Variants in PCDHGA6 observed in about 807,000 individuals in gnomAD.
PCDHGA6 encodes protocadherin gamma subfamily A, 6.
PCDHGA6 carries 41 observed loss-of-function variants against 60.6 expected under a neutral mutation model. The observed-to-expected ratio is 0.68, with a 90% CI of 0.53 to 0.88. The LOEUF (loss-of-function observed/expected upper bound fraction) is 0.88. Among genes scored for constraint, PCDHGA6 ranks in the 40% least tolerant of loss-of-function variants. The pLI is 0.00. For synonymous variants in PCDHGA6, 594 were observed against 524.4 expected (o/e 1.13, Z -1.81); for missense variants, 1,312 against 1,203.0 (o/e 1.09, Z -1.34).
Position 141,486,059 on chromosome 5 carries a change from C to A in PCDHGA6, c.2425-8748C>A. On this transcript the variant is annotated intron_variant, in intron 1 of 3. Transcript: ENST00000517434. This position sits in a 1 kb window ranked among gnomAD's most constrained non-coding sequence, Gnocchi z 5.0. ...TCGTGTAAGAAACCTCTTTAGCCTG[C>A]ACCCCACTACTGGAAAGCTTACTCT... 1 of 1,614,152 alleles carries A rather than the reference C, an allele frequency of 6.2e-7. No homozygotes were observed. Among genetic ancestry groups the A allele is most frequent in the Non-Finnish European group, 8.5e-7 (1 of 1,180,010 alleles).
intron 3 of PCDHGA6, among the ~76,000 whole-genome samples, chr5:141,509,532 A>C (rs2099877210): frequency 6.6e-6 from 1 of 152,124 alleles, no homozygotes; most frequent in African/African-American, 2.4e-5. Flanking sequence ...GCACAGGATG[A>C]AGCACCATCT....
chr5:141,403,729 C>G (rs1409756180), intron 1 of PCDHGA6: 1 of 1,613,896 alleles, frequency 6.2e-7, no homozygotes, highest in Non-Finnish European at 8.5e-7. Context: ...CCCCAGGCAC[C>G]TGGCTGCTTA....
chr5:141,380,538 A>G (rs1365489089), intron 1 of PCDHGA6, among the ~76,000 whole-genome samples: 3 of 152,246 alleles, frequency 2.0e-5, no homozygotes, highest in Non-Finnish European at 4.4e-5. Flanking sequence ...TCAATTTGAT[A>G]CAATGAGCTT....
chr5:141,389,784 G>A (rs1380763543), intron 1 of PCDHGA6: 5 of 1,613,318 alleles, frequency 3.1e-6, no homozygotes, highest in Non-Finnish European at 4.2e-6. Flanking sequence ...AGGCGACAGG[G>A]ACGCCGTCCG....
At position 141,460,912 on chromosome 5, in the gene PCDHGA6, G is replaced by GTGTATATA. The variant is rs145509489; in HGVS notation, c.2425-33894_2425-33893insGTATATAT. ...TCGTGGCTGAGTAATATTCCATGGTGTATATATATATATGTGTGTGTGTAT... is the reference window on the plus strand; with the variant it reads ...TCGTGGCTGAGTAATATTCCATGGTGTGTATATATATATATATATATGTGTGTGTGTAT... On this transcript the variant is annotated intron_variant, in intron 1 of 3. Transcript: ENST00000517434. Among the ~76,000 whole-genome samples the GTGTATATA allele has an allele frequency of 5.0e-3, 740 of 149,316 alleles. 4 individuals are homozygous for GTGTATATA. The highest frequency in any genetic ancestry group is 0.015 in the African/African-American group (617 of 40,618).
intron 1 of PCDHGA6, chr5:141,422,878 C>T: frequency 6.2e-7 from 1 of 1,614,264 alleles, no homozygotes; most frequent in African/African-American, 1.3e-5. Flanking sequence ...GTCGCTGAGC[C>T]TGTTCGTGCT....
At position 141,477,830 on chromosome 5, in the gene PCDHGA6, C is replaced by T; in HGVS notation, c.2425-16977C>T. ...TGCCCCCCAGGTCCTATATCCTCGG[C>T]CAGGTGGGAGCTCGGTGGAGATGCT... is the stretch of plus-strand genomic sequence containing the variant. On this transcript the variant is annotated intron_variant, in intron 1 of 3. Transcript: ENST00000517434. The surrounding 1 kb of genome is among the most constrained non-coding windows in gnomAD (Gnocchi z 4.9). 1 of 1,614,170 alleles carries T rather than the reference C, an allele frequency of 6.2e-7. No individual in the cohort carries two copies. Among genetic ancestry groups the T allele is most frequent in the Non-Finnish European group, 8.5e-7 (1 of 1,180,038 alleles).
intron 1 of PCDHGA6, chr5:141,395,360 GT>G: frequency 1.5e-6 from 2 of 1,290,436 alleles, no homozygotes; most frequent in Non-Finnish European, 2.1e-6. Context: ...AGAGTTTTGG[GT>G]TTATTTTGGT....
intron 1 of PCDHGA6, among the ~76,000 whole-genome samples, chr5:141,452,760 G>A (rs920853226): frequency 3.3e-5 from 5 of 152,120 alleles, no homozygotes; most frequent in Non-Finnish European, 7.4e-5. Context: ...AAGGAAGGGA[G>A]GGAGGGAAAA....
intron 1 of PCDHGA6, chr5:141,393,690 C>A (rs779487285): frequency 6.2e-7 from 1 of 1,613,752 alleles, no homozygotes; most frequent in African/African-American, 1.3e-5. Flanking sequence ...TCCGTTATTC[C>A]AGCTTAATGA....
At chr5:141,418,441 A>G (rs2096258419) in intron 1 of PCDHGA6, 3 of 1,614,000 alleles carry the variant, frequency 1.9e-6, no homozygotes, top group South Asian at 1.1e-5. Flanking sequence ...ATCCAGAATT[A>G]GTATTGCAGA....
At chr5:141,510,525 G>A (rs545854649) in intron 3 of PCDHGA6, among the ~76,000 whole-genome samples, 1 of 152,316 alleles carries the variant, frequency 6.6e-6, no homozygotes, top group African/African-American at 2.4e-5. Context: ...ACAGCCCTGA[G>A]AGAAATACCA....
intron 1 of PCDHGA6, chr5:141,400,076 T>A: frequency 6.2e-7 from 1 of 1,613,932 alleles, no homozygotes; most frequent in Non-Finnish European, 8.5e-7. Context: ...CAGCCGCCAC[T>A]CTCCGCCACC....
chr5:141,404,970 C>A (rs1470955697), intron 1 of PCDHGA6: 1 of 1,613,940 alleles, frequency 6.2e-7, no homozygotes, highest in Non-Finnish European at 8.5e-7. Flanking sequence ...GACATCCTGG[C>A]TGACCTGGGC....
intron 1 of PCDHGA6, among the ~76,000 whole-genome samples, chr5:141,470,239 A>G (rs978204909): frequency 1.3e-5 from 2 of 152,232 alleles, no homozygotes; most frequent in African/African-American, 2.4e-5. Flanking sequence ...AAACCCTTGA[A>G]TGTCCCACCT....
intron 3 of PCDHGA6, among the ~76,000 whole-genome samples, chr5:141,506,146 T>C (rs1014881418): frequency 6.6e-6 from 1 of 152,086 alleles, no homozygotes; most frequent in African/African-American, 2.4e-5. Context: ...AAGAATATCA[T>C]TTGTCCTTAA....
At chr5:141,377,770 T>A (rs1774342115) in intron 1 of PCDHGA6, 1 of 152,210 alleles carries the variant, frequency 6.6e-6, no homozygotes, top group South Asian at 2.1e-4. Flanking sequence ...ATCTTTGGTG[T>A]TAAAAGACCT....
chr5:141,393,650 C>A, intron 1 of PCDHGA6: 1 of 1,613,906 alleles, frequency 6.2e-7, no homozygotes, highest in Non-Finnish European at 8.5e-7. Context: ...AAGTGGCATA[C>A]AAATTCCGGA....
intron 2 of PCDHGA6, among the ~76,000 whole-genome samples, chr5:141,495,094 C>T (rs1470702358): frequency 6.6e-6 from 1 of 152,156 alleles, no homozygotes; most frequent in African/African-American, 2.4e-5. Flanking sequence ...CTTCCCTCCT[C>T]GCCACGACCG....
Sources: gnomAD v4.1 joint callset for allele counts (sites outside exome capture counted in the v4.1 genomes callset) on GRCh38, gnomAD v4.1.1 for gene constraint, Gnocchi (gnomAD v3.1) non-coding constraint, MANE v1.5 for transcripts, NCBI Gene and HGNC (gene_info 2026-07-23, HGNC 2026-07-21) for gene names.